DMWD: variants seen among roughly 807,000 people sequenced by gnomAD.
DMWD encodes DM1 locus, WD repeat containing.
DMWD carries 19 observed loss-of-function variants against 45.8 expected under a neutral mutation model. The ratio of observed to expected loss-of-function variants is 0.41; its 90% CI spans 0.29 to 0.61. The LOEUF (loss-of-function observed/expected upper bound fraction) is 0.61. DMWD is among the 20% of genes least tolerant of loss of function. DMWD has a pLI of 0.25. For synonymous variants in DMWD, 515 were observed against 440.5 expected (o/e 1.17, Z -2.12); for missense variants, 802 against 965.2 (o/e 0.83, Z 2.24).
chr19:45,786,675 C>T lies in DMWD; in HGVS notation c.821G>A (p.Arg274His), dbSNP rs1220431704. Residue 274 changes from arginine (R) to histidine (H), a missense_variant, in exon 3 of 5, where the codon CGC becomes CAC. By Grantham distance (29) the Arg-to-His change is conservative (BLOSUM62 0). This residue lies in a region of DMWD where 146 missense variants were observed against 212.8 expected (regional missense o/e 0.69). Transcript: ENST00000270223. ...CACCGCCCACTTGGCCAGCGGGTTG[C>T]GGGGTGCCTTGCTCTTGGCAGCATA... Reference protein sequence around the residue: ...SVYAAKSKAPRNPLAKWAVGE... With the variant: ...SVYAAKSKAPHNPLAKWAVGE... 6.2e-7 allele frequency: 1 copy of T among 1,610,560 alleles called. No individual in the cohort carries two copies. The highest frequency in any genetic ancestry group is 1.7e-4 in the Middle Eastern group (1 of 6,046).
At chr19:45,785,142 C>G in intron 3 of DMWD, 27 of 1,024,382 alleles carry the variant, frequency 2.6e-5, no homozygotes, top group Non-Finnish European at 3.2e-5. Flanking sequence ...GTGCCTTCAG[C>G]AGGAGGCTCA....
In DMWD at chr19:45,783,214, T is replaced by G; in HGVS notation, c.*1029A>C. 5.1e-5 allele frequency: 9 copies of G among 176,118 alleles called. No individual in the cohort carries two copies. The East Asian group carries it at 5.7e-4, about 11-fold the overall frequency. The allele number at this position is 176,118 out of a possible 1,614,324, so 10.9% of individuals were successfully genotyped here. On this transcript the variant is annotated 3_prime_UTR_variant, in exon 5 of 5. Coordinates refer to ENST00000270223, the MANE Select transcript of DMWD (RefSeq NM_004943.2). ...CAGGCTGGGATTAGAAACAGAAACA[T>G]TTCGGGGGGTGGAGGGTGGCGCGGG...
At chr19:45,789,119 T>C (rs1970321738) in intron 2 of DMWD, 1 of 152,186 alleles carries the variant, frequency 6.6e-6, no homozygotes, top group Admixed American at 6.6e-5. Context: ...ACACGAAGAC[T>C]TAACTTGATT....
At chr19:45,785,200 GC>G (rs1202602264) in intron 3 of DMWD, 22 of 1,025,336 alleles carry the variant, frequency 2.1e-5, no homozygotes, top group Non-Finnish European at 2.6e-5. Flanking sequence ...ACAGGCTTGA[GC>G]TCGCCCCTAG....
chr19:45,786,957 G>A (rs1363353212), intron 2 of DMWD, 86 bp from the exon 3 acceptor site: 25 of 1,524,080 alleles, frequency 1.6e-5, no homozygotes, highest in African/African-American at 2.7e-5. Context: ...CAAGAAGGCC[G>A]TTGGACATGG....
At chr19:45,787,025 C>A in intron 2 of DMWD, 154 bp from the exon 3 acceptor site, 1 of 1,334,778 alleles carries the variant, frequency 7.5e-7, no homozygotes, top group Non-Finnish European at 1.0e-6. Flanking sequence ...GAGAAGCTCC[C>A]AAACTGGGGA....
rs1208135475 is a variant in DMWD, at chr19:45,784,004, G to A, written c.*239C>T. ...GGATGAGGGTAACACTGATGTTTCAGAGGAAGAGGTCATTGTACTTGGCAG... is the reference window on the plus strand; with the variant it reads ...GGATGAGGGTAACACTGATGTTTCAAAGGAAGAGGTCATTGTACTTGGCAG... On this transcript the variant is annotated 3_prime_UTR_variant, in exon 5 of 5. Coordinates refer to ENST00000270223, the MANE Select transcript of DMWD (RefSeq NM_004943.2). 1 of 640,990 alleles carries A rather than the reference G, an allele frequency of 1.6e-6. No individual in the cohort carries two copies. The highest frequency in any genetic ancestry group is 2.8e-6 in the Non-Finnish European group (1 of 363,168). 39.7% of individuals were successfully genotyped at this position (640,990 alleles called of 1,614,324 possible).
chr19:45,786,046 C>T lies in DMWD; in HGVS notation c.1450G>A (p.Gly484Ser). The change falls in exon 3 of 5, where the codon GGC becomes AGC. Residue 484 changes from glycine (G) to serine (S), a missense_variant. Physicochemically the swap from Gly to Ser is moderately conservative, Grantham distance 56. This residue lies in a region of DMWD where 303 missense variants were observed against 332.9 expected (regional missense o/e 0.91). Transcript: ENST00000270223. ...SSSRGGEPGPGPLPRSLSRSN... is the reference protein window; with the variant it reads ...SSSRGGEPGPSPLPRSLSRSN... ...CGGGACAGCGAGCGAGGCAGGGGGC[C>T]TGGGCCAGGCTCGCCACCCCTCGAG... The T allele has an allele frequency of 1.3e-6, 2 of 1,530,290 alleles. No homozygotes were observed. Among genetic ancestry groups the T allele is most frequent in the Non-Finnish European group, 1.8e-6 (2 of 1,138,174 alleles). The allele number at this position is 1,530,290 out of a possible 1,614,324, so 94.8% of individuals were successfully genotyped here.
chr19:45,787,916 C>T (rs1970303330), intron 2 of DMWD, among the ~76,000 whole-genome samples: 1 of 152,066 alleles, frequency 6.6e-6, no homozygotes, highest in Non-Finnish European at 1.5e-5. Flanking sequence ...AAAATCTCTA[C>T]TAAAAATACA....
Position 45,792,536 on chromosome 19 carries a change from G to A in DMWD, c.221C>T (p.Ala74Val). 2 of 1,149,104 alleles carry A rather than the reference G, an allele frequency of 1.7e-6. No homozygotes were observed. The highest frequency in any genetic ancestry group is 3.7e-5 in the South Asian group (1 of 26,882). The allele number at this position is 1,149,104 out of a possible 1,614,324, so 71.2% of individuals were successfully genotyped here. Residue 74 changes from alanine (A) to valine (V), a missense_variant, in exon 1 of 5, where the codon GCA (alanine) becomes GTA (valine). Physicochemically the swap from Ala to Val is moderately conservative, Grantham distance 64. Coordinates refer to ENST00000270223, the MANE Select transcript of DMWD (RefSeq NM_004943.2). ...GPASASGPGA[A>V]GPASSPPPAG... ...GGGCGGCGGGGACGACGCGGGGCCT[G>A]CAGCGCCGGGACCGGAGGCGGAGGC...
At chr19:45,784,825 T>C (rs1970249570) in intron 3 of DMWD, 110 bp from the exon 4 acceptor site, 14 of 1,480,756 alleles carry the variant, frequency 9.5e-6, no homozygotes, top group Middle Eastern at 1.8e-4. Context: ...GACTCAGGAC[T>C]CTACGATTCC....
rs1167093183 is a variant in DMWD at position 45,784,634 on chromosome 19, G to C, written c.1977+7C>G. The C allele has an allele frequency of 1.2e-6, 2 of 1,613,708 alleles. No individual in the cohort carries two copies. The highest frequency in any genetic ancestry group is 2.7e-5 in the African/African-American group (2 of 74,918). The stretch of plus-strand genomic sequence containing the variant: ...GTGCTGGGGAAAGAACTCAGGGACA[G>C]TCCTACCTCTACCACTGACTTGCTG... On this transcript the variant is annotated splice_region_variant and intron_variant, in intron 4 of 4. Coordinates refer to ENST00000270223, the MANE Select transcript of DMWD (RefSeq NM_004943.2).
Position 45,783,912 on chromosome 19 carries a change from C to A in DMWD, c.*331G>T. 1.9e-6 allele frequency: 1 copy of A among 534,698 alleles called. No homozygotes were observed. The highest frequency in any genetic ancestry group is 2.6e-5 in the South Asian group (1 of 37,940). The allele number at this position is 534,698 out of a possible 1,614,324, so 33.1% of individuals were successfully genotyped here. A position where few individuals can be genotyped will look rare whatever the true frequency, so the allele number is the denominator to read the frequency against. ...ACTCAACTGAGGGGCACACTGCAGA[C>A]CTGGGGCTCTTGTGGCAGGGGCGGG... On this transcript the variant is annotated 3_prime_UTR_variant, in exon 5 of 5. Coordinates refer to ENST00000270223, the MANE Select transcript of DMWD (RefSeq NM_004943.2).
At position 45,786,336 on chromosome 19, in the gene DMWD, G is replaced by A. The variant is rs777813431; in HGVS notation, c.1160C>T (p.Ala387Val). Residue 387 changes from alanine to valine, a missense_variant, in exon 3 of 5, where the codon GCG (alanine) becomes GTG (valine). Around this residue, in one of 9 missense-constraint regions of DMWD, gnomAD observed 146 missense variants for 212.8 expected, o/e 0.69. Coordinates refer to ENST00000270223, the MANE Select transcript of DMWD (RefSeq NM_004943.2). Reference sequence around the variant, plus strand: ...CTCCCCATCAGCACCGGCTGCTGTCGCCGCCTCCTCTGCCCTTGTGGTGTA... The same window carrying A: ...CTCCCCATCAGCACCGGCTGCTGTCACCGCCTCCTCTGCCCTTGTGGTGTA... ...DPYTTRAEEAATAAGADGERS... is the reference protein window; with the variant it reads ...DPYTTRAEEAVTAAGADGERS... 24 of 1,606,684 alleles carry A rather than the reference G, an allele frequency of 1.5e-5. No homozygotes were observed. Among genetic ancestry groups the A allele is most frequent in the Non-Finnish European group, 1.8e-5 (21 of 1,174,930 alleles).
chr19:45,785,196 T>C (rs546919305), intron 3 of DMWD: 17 of 1,025,604 alleles, frequency 1.7e-5, no homozygotes, highest in Non-Finnish European at 2.0e-5. Flanking sequence ...GCCCACAGGC[T>C]TGAGCTCGCC....
rs936048473 is a variant in DMWD at position 45,792,768 on chromosome 19, C to G, written c.-12G>C. 10 of 1,120,648 alleles carry G rather than the reference C, an allele frequency of 8.9e-6. No individual in the cohort carries two copies. The Admixed American group carries it at 2.0e-4, about 22-fold the overall frequency. The allele number at this position is 1,120,648 out of a possible 1,614,324, so 69.4% of individuals were successfully genotyped here. On this transcript the variant is annotated 5_prime_UTR_variant, in exon 1 of 5. Coordinates refer to ENST00000270223, the MANE Select transcript of DMWD (RefSeq NM_004943.2). ...CCGCCCGCCGCCATCTTGGGCGCCC[C>G]CCGGGCCCCGCCACTGCCGGACTGC... is the stretch of plus-strand genomic sequence containing the variant.
rs1970371448 is a variant in DMWD at position 45,792,772 on chromosome 19, G to A, written c.-16C>T. 1.8e-6 allele frequency: 2 copies of A among 1,119,100 alleles called. No homozygotes were observed. The highest frequency in any genetic ancestry group is 5.0e-5 in the East Asian group (1 of 20,180). The allele number at this position is 1,119,100 out of a possible 1,614,324, so 69.3% of individuals were successfully genotyped here. A position where few individuals can be genotyped will look rare whatever the true frequency, so the allele number is the denominator to read the frequency against. ...CCGCCGCCATCTTGGGCGCCCCCCG[G>A]GCCCCGCCACTGCCGGACTGCCGCC... On this transcript the variant is annotated 5_prime_UTR_variant, in exon 1 of 5. Transcript: ENST00000270223.
chr19:45,783,872 C>T lies in DMWD; in HGVS notation c.*371G>A. The T allele has an allele frequency of 2.1e-6, 1 of 480,644 alleles. No homozygotes were observed. Among genetic ancestry groups the T allele is most frequent in the Non-Finnish European group, 3.6e-6 (1 of 276,134 alleles). 29.8% of individuals were successfully genotyped at this position (480,644 alleles called of 1,614,324 possible). A position where few individuals can be genotyped will look rare whatever the true frequency, so the allele number is the denominator to read the frequency against. The stretch of plus-strand genomic sequence containing the variant: ...TGGGGGCCGGGCGAGGGCTGGACCA[C>T]CCCCGGCCCTGCCCACTCAACTGAG... On this transcript the variant is annotated 3_prime_UTR_variant, in exon 5 of 5. Coordinates refer to ENST00000270223, the MANE Select transcript of DMWD (RefSeq NM_004943.2).
chr19:45,786,292 C>G lies in DMWD; in HGVS notation c.1204G>C (p.Glu402Gln). The G allele has an allele frequency of 6.2e-7, 1 of 1,605,874 alleles. No homozygotes were observed. The highest frequency in any genetic ancestry group is 8.5e-7 in the Non-Finnish European group (1 of 1,174,696). The change falls in exon 3 of 5, where the codon GAG becomes CAG. Residue 402 changes from glutamate (E) to glutamine (Q), a missense_variant. Glu to Gln is a conservative substitution (Grantham distance 29). Coordinates refer to ENST00000270223, the MANE Select transcript of DMWD (RefSeq NM_004943.2). ...GTGCCCGCAGCCTCGGGCTCCTCCT[C>G]CTCCTCTTCGCCGCTCCGCTCCCCA... ...ADGERSGEEE[E>Q]EEPEAAGTGS...
Sources: allele counts gnomAD v4.1 joint callset (sites outside exome capture counted in the v4.1 genomes callset), GRCh38; gene constraint gnomAD v4.1.1; regional missense constraint gnomAD v4.1.1; transcripts MANE v1.5; gene names NCBI Gene and HGNC (gene_info 2026-07-23, HGNC 2026-07-21).